The following FSD1L variants were observed in gnomAD, a reference collection of about 807,000 sequenced individuals.
FSD1L encodes fibronectin type III and SPRY domain containing 1 like.
A neutral mutation model predicts 71.6 loss-of-function variants in FSD1L; 45 were observed. The observed-to-expected ratio is 0.63, with a 90% CI of 0.49 to 0.81. The LOEUF (loss-of-function observed/expected upper bound fraction) is 0.81, where lower values mean the gene tolerates loss of function less well. FSD1L is among the 30% of genes least tolerant of loss of function. FSD1L has a pLI of 0.00. For missense variants in FSD1L, 561 were observed against 618.1 expected (o/e 0.91, Z 0.98); for synonymous variants, 197 against 207.2 (o/e 0.95, Z 0.42).
chr9:105,542,694 G>A (rs1269307804), intron 13 of FSD1L, among the ~76,000 whole-genome samples: 3 of 152,292 alleles, frequency 2.0e-5, no homozygotes, highest in East Asian at 1.9e-4. Flanking sequence ...GGGCTCAAAT[G>A]ATCCACCAGC....
At chr9:105,448,974 A>G (rs1227417131) in intron 1 of FSD1L, among the ~76,000 whole-genome samples, 1 of 152,228 alleles carries the variant, frequency 6.6e-6, no homozygotes, top group Non-Finnish European at 1.5e-5. Context: ...TGTCTTGAAT[A>G]CAGTTAGAAG....
chr9:105,464,428 G>A (rs1295844374), intron 3 of FSD1L, 97 bp downstream of exon 3: 1 of 559,482 alleles, frequency 1.8e-6, no homozygotes, highest in Non-Finnish European at 3.2e-6. Flanking sequence ...ATAAACTAAT[G>A]GAGGTGAGAG....
chr9:105,525,924 T>C, intron 10 of FSD1L: 5 of 1,561,948 alleles, frequency 3.2e-6, no homozygotes, highest in Non-Finnish European at 4.4e-6. Context: ...ATTCTGATGA[T>C]TCTTTGACCA....
chr9:105,529,552 C>T (rs1589089237), intron 10 of FSD1L, among the ~76,000 whole-genome samples: 2 of 152,024 alleles, frequency 1.3e-5, no homozygotes, highest in African/African-American at 2.4e-5. Flanking sequence ...TGTTCTCACT[C>T]ATAAGTGGGA....
chr9:105,536,557 ATTAGATCTTT>A (rs902335093), intron 12 of FSD1L, among the ~76,000 whole-genome samples: 5 of 151,974 alleles, frequency 3.3e-5, no homozygotes, highest in Non-Finnish European at 7.4e-5. Flanking sequence ...ACCCTAATCC[ATTAGATCTTT>A]TTTCACGGCA....
chr9:105,448,354 TGCTGCTGCGGAGGGCAAGGCCGCCC>T, intron 1 of FSD1L, 119 bp downstream of exon 1: 1 of 996,750 alleles, frequency 1.0e-6, no homozygotes, highest in Non-Finnish European at 1.4e-6. Flanking sequence ...GCGTCCGGGC[TGCTGCTGCGGAGGGCAAGGCCGCCC>T]GGCCGCTCTC....
chr9:105,496,209 T>G lies in FSD1L; in HGVS notation c.587-10190T>G, dbSNP rs546692866. ...AGGTCTTGATGACTGTAGCTTTTTT[T>G]TTTTTTTTTTTTGTGTCGGAATCTC... On this transcript the variant is annotated intron_variant, in intron 7 of 13. Transcript: ENST00000481272. Among the ~76,000 whole-genome samples, 1,185 of 148,544 alleles carry G rather than the reference T, an allele frequency of 8.0e-3. 21 individuals are homozygous for G. Among genetic ancestry groups the G allele is most frequent in the African/African-American group, 0.028 (1,131 of 40,340 alleles).
chr9:105,498,922 A>C (rs1833599065), intron 7 of FSD1L, among the ~76,000 whole-genome samples: 1 of 152,140 alleles, frequency 6.6e-6, no homozygotes, highest in Non-Finnish European at 1.5e-5. Flanking sequence ...CCATGCTAGA[A>C]GTGGGTTGTT....
chr9:105,458,039 C>G lies in FSD1L; in HGVS notation c.16-3481C>G, dbSNP rs75441909. On this transcript the variant is annotated intron_variant, in intron 1 of 13. Coordinates refer to ENST00000481272, the MANE Select transcript of FSD1L (RefSeq NM_001145313.3). ...GGTGCTACACCTCTCTTGTTCCTGC[C>G]ACCTGCAGCTTGGCCAGTGGGAGTG... is the stretch of plus-strand genomic sequence containing the variant. Among the ~76,000 whole-genome samples, 1,406 of 152,342 alleles carry G rather than the reference C, an allele frequency of 9.2e-3. 22 individuals carry two copies. Among genetic ancestry groups the G allele is most frequent in the African/African-American group, 0.032 (1,346 of 41,572 alleles).
intron 2 of FSD1L, among the ~76,000 whole-genome samples, chr9:105,462,520 ATTTTTTTTTTTT>A (rs773853934): frequency 9.6e-6 from 1 of 104,244 alleles, no homozygotes; most frequent in African/African-American, 3.7e-5. Context: ...TGTGACTGAC[ATTTTTTTTTTTT>A]TTTTTTTTTG....
chr9:105,511,285 T>G (rs1834381718), intron 9 of FSD1L, among the ~76,000 whole-genome samples: 1 of 151,974 alleles, frequency 6.6e-6, no homozygotes, highest in Non-Finnish European at 1.5e-5. Context: ...GATTTCTTCC[T>G]TTTTTAAAAA....
intron 6 of FSD1L, among the ~76,000 whole-genome samples, chr9:105,482,072 C>T (rs180786970): frequency 6.6e-6 from 1 of 152,150 alleles, no homozygotes; most frequent in Admixed American, 6.5e-5. Context: ...ACCATGTCCG[C>T]CCTAGGATTA....
At chr9:105,443,903 G>A (rs777081880), upstream of FSD1L, among the ~76,000 whole-genome samples, 1 of 152,154 alleles carries the variant, frequency 6.6e-6, no homozygotes, top group Non-Finnish European at 1.5e-5. Flanking sequence ...ACCCTTATAG[G>A]TGCTACTTTT....
chr9:105,478,999 A>G (rs2131679761), intron 5 of FSD1L, among the ~76,000 whole-genome samples: 1 of 152,296 alleles, frequency 6.6e-6, no homozygotes, highest in Admixed American at 6.5e-5. Flanking sequence ...TTGTCCCATG[A>G]AGGAGATTGG....
In FSD1L at chr9:105,552,141, T is replaced by C. The variant is rs1837290153; in HGVS notation, c.*5658T>C. 6.6e-6 allele frequency: 1 copy of C among 152,218 alleles called. No homozygotes were observed. Among genetic ancestry groups the C allele is most frequent in the African/African-American group, 2.4e-5 (1 of 41,446 alleles). The allele number at this position is 152,218 out of a possible 1,614,324, so 9.4% of individuals were successfully genotyped here. A position where few individuals can be genotyped will look rare whatever the true frequency, so the allele number is the denominator to read the frequency against. Reference sequence around the variant, plus strand: ...TGGACATGATTTTGCTATGCAGTTGTGATAATAAAAATTCTAATTCCTCAG... The same window carrying C: ...TGGACATGATTTTGCTATGCAGTTGCGATAATAAAAATTCTAATTCCTCAG... On this transcript the variant is annotated 3_prime_UTR_variant, in exon 14 of 14. Transcript: ENST00000481272.
intron 4 of FSD1L, among the ~76,000 whole-genome samples, chr9:105,471,336 G>A (rs1041127764): frequency 6.6e-6 from 1 of 151,910 alleles, no homozygotes; most frequent in Non-Finnish European, 1.5e-5. Flanking sequence ...GTTGTTTGTC[G>A]GGACCTTCTT....
intron 7 of FSD1L, among the ~76,000 whole-genome samples, chr9:105,489,562 A>G (rs1264569627): frequency 6.6e-6 from 1 of 152,108 alleles, no homozygotes. Context: ...TGTGCAGGTT[A>G]GTTACATATG....
chr9:105,544,094 G>A (rs1397612747), intron 13 of FSD1L, among the ~76,000 whole-genome samples: 2 of 152,178 alleles, frequency 1.3e-5, no homozygotes, highest in African/African-American at 4.8e-5. Flanking sequence ...TCCAGCACCT[G>A]TTGTTTCCTG....
chr9:105,451,396 G>A (rs1829995929), intron 1 of FSD1L, among the ~76,000 whole-genome samples: 1 of 152,218 alleles, frequency 6.6e-6, no homozygotes, highest in Non-Finnish European at 1.5e-5. Context: ...TGACAGTAGA[G>A]GTTAACTTAA....
Sources: gnomAD v4.1 joint callset for allele counts (sites outside exome capture counted in the v4.1 genomes callset) on GRCh38, gnomAD v4.1.1 for gene constraint, MANE v1.5 for transcripts, NCBI Gene and HGNC (gene_info 2026-07-23, HGNC 2026-07-21) for gene names.